Variants in SAP30BP observed in about 807,000 individuals in gnomAD.
SAP30BP encodes the protein SAP30-binding protein.
SAP30BP carries 31 observed loss-of-function variants against 46.3 expected under a neutral mutation model. That is an observed-to-expected ratio of 0.67 (90% CI 0.50 to 0.90). SAP30BP has a LOEUF of 0.90. Among genes scored for constraint, SAP30BP ranks in the 40% least tolerant of loss-of-function variants. The pLI, the probability that SAP30BP is intolerant of heterozygous loss-of-function variation, is 0.00. For missense variants in SAP30BP, 312 were observed against 391.0 expected, an observed-to-expected ratio of 0.80 and a Z score of 1.70; for synonymous variants, 169 against 144.2, an observed-to-expected ratio of 1.17 and a Z score of -1.23.
chr17:75,703,891 G>A, intron 8 of SAP30BP, 32 bp downstream of exon 8: 1 of 1,505,780 alleles, frequency 6.6e-7, no homozygotes, highest in Non-Finnish European at 9.2e-7. Flanking sequence ...CATATACCTT[G>A]TCCGCCCACC....
Position 75,706,831 on chromosome 17 carries a change from C to T in SAP30BP, c.*310C>T. On this transcript the variant is annotated 3_prime_UTR_variant, in exon 11 of 11. Coordinates refer to ENST00000584667, the MANE Select transcript of SAP30BP (RefSeq NM_013260.8). This position sits in a 1 kb window ranked among gnomAD's most constrained non-coding sequence, Gnocchi z 4.6. ...GCAAATGCTTCAGCTCACATGTCCC[C>T]CAAGACTCAATAGTCTTGGTTGGGA... 1 of 400,162 alleles carries T rather than the reference C, an allele frequency of 2.5e-6. No homozygotes were observed. The highest frequency in any genetic ancestry group is 3.1e-5 in the South Asian group (1 of 31,984). The allele number at this position is 400,162 out of a possible 1,614,324, so 24.8% of individuals were successfully genotyped here. A position where few individuals can be genotyped will look rare whatever the true frequency, so the allele number is the denominator to read the frequency against.
intron 3 of SAP30BP, 153 bp from the exon 4 acceptor site, chr17:75,693,287 T>G (rs930323029): frequency 2.8e-5 from 17 of 604,136 alleles, no homozygotes; most frequent in South Asian, 2.2e-5. Context: ...GGCTCGGGGG[T>G]GCCAGAGGCC....
At chr17:75,686,180 A>G (rs758459560) in intron 3 of SAP30BP, among the ~76,000 whole-genome samples, 1 of 152,216 alleles carries the variant, frequency 6.6e-6, no homozygotes, top group Non-Finnish European at 1.5e-5. Flanking sequence ...AGCCGGCTTA[A>G]TAAGTCTTGG....
Position 75,696,863 on chromosome 17 carries a change from C to T in SAP30BP, c.308-2920C>T, listed in dbSNP as rs965240182. ...TGCAATCTCGGCTCACTGTAAGCTC[C>T]GCCTCCTGGGTTCACACCATTCTCC... On this transcript the variant is annotated intron_variant, in intron 4 of 10. Transcript: ENST00000584667. Among the ~76,000 whole-genome samples, 4 of 150,720 alleles carry T rather than the reference C, an allele frequency of 2.7e-5. No homozygotes were observed. The East Asian group carries it at 5.9e-4, about 22-fold the overall frequency.
chr17:75,682,696 G>T (rs569080788), intron 3 of SAP30BP, among the ~76,000 whole-genome samples: 1 of 152,038 alleles, frequency 6.6e-6, no homozygotes, highest in Non-Finnish European at 1.5e-5. Flanking sequence ...GGGCGCAGTG[G>T]CTCATGCCTG....
intron 3 of SAP30BP, 154 bp from the exon 4 acceptor site, chr17:75,693,286 G>A: frequency 1.6e-6 from 1 of 613,582 alleles, no homozygotes; most frequent in Non-Finnish European, 2.9e-6. Context: ...AGGCTCGGGG[G>A]TGCCAGAGGC....
At chr17:75,681,344 C>T (rs964986661) in intron 3 of SAP30BP, among the ~76,000 whole-genome samples, 15 of 152,158 alleles carry the variant, frequency 9.9e-5, no homozygotes, top group Admixed American at 4.6e-4. Flanking sequence ...GAGGCCCAGC[C>T]GGGTGAGTGG....
intron 3 of SAP30BP, chr17:75,691,823 G>T: frequency 3.9e-6 from 1 of 258,378 alleles, no homozygotes; most frequent in South Asian, 4.3e-5. Flanking sequence ...AAAATGTGAG[G>T]GCATTTTACA....
intron 3 of SAP30BP, chr17:75,691,612 C>T (rs2060243354): frequency 2.5e-6 from 1 of 398,258 alleles, no homozygotes; most frequent in Non-Finnish European, 5.0e-6. Flanking sequence ...TGGTAGACTC[C>T]TTGTGTGGGG....
chr17:75,668,639 C>G lies in SAP30BP; in HGVS notation c.216+14C>G, dbSNP rs1247330583. 6.7e-7 allele frequency: 1 copy of G among 1,502,234 alleles called. No homozygotes were observed. Among genetic ancestry groups the G allele is most frequent in the Admixed American group, 1.8e-5 (1 of 55,556 alleles). 93.1% of individuals were successfully genotyped at this position (1,502,234 alleles called of 1,614,324 possible). A position where few individuals can be genotyped will look rare whatever the true frequency, so the allele number is the denominator to read the frequency against. ...AGTAGACAGTCGGTAGGTAAATCTC[C>G]CAGATCCAGAGCTACTGAAAGCACA... On this transcript the variant is annotated intron_variant, in intron 2 of 10. Transcript: ENST00000584667.
At position 75,671,808 on chromosome 17, in the gene SAP30BP, T is replaced by C; in HGVS notation, c.217-8T>C. 1 of 1,611,510 alleles carries C rather than the reference T, an allele frequency of 6.2e-7. No individual in the cohort carries two copies. On this transcript the variant is annotated splice_polypyrimidine_tract_variant and splice_region_variant and intron_variant, in intron 2 of 10. Transcript: ENST00000584667. ...TAAGCTTAATCCTCTAAATTCTTTGTCTTGTAGGAAGATGACGATTCAGAG... is the reference window on the plus strand; with the variant it reads ...TAAGCTTAATCCTCTAAATTCTTTGCCTTGTAGGAAGATGACGATTCAGAG...
chr17:75,700,088 G>A, intron 5 of SAP30BP: 1 of 378,462 alleles, frequency 2.6e-6, no homozygotes, highest in Non-Finnish European at 4.9e-6. Context: ...CCGTGGTGCT[G>A]CTCCAGCAGG....
chr17:75,682,678 A>G (rs1253558653), intron 3 of SAP30BP, among the ~76,000 whole-genome samples: 3 of 152,054 alleles, frequency 2.0e-5, no homozygotes, highest in Non-Finnish European at 2.9e-5. Flanking sequence ...TGTATGGCAT[A>G]TGAGGCTGGG....
intron 2 of SAP30BP, among the ~76,000 whole-genome samples, chr17:75,669,306 C>T (rs762133439): frequency 2.0e-5 from 3 of 151,984 alleles, no homozygotes; most frequent in African/African-American, 4.8e-5. Context: ...TGCAGTGGTG[C>T]GATCTCTGCT....
At chr17:75,699,525 G>C (rs2148415365) in intron 4 of SAP30BP, among the ~76,000 whole-genome samples, 1 of 151,178 alleles carries the variant, frequency 6.6e-6, no homozygotes, top group African/African-American at 2.4e-5. Flanking sequence ...AAAAAAAACG[G>C]AAAAGTTAAC....
At chr17:75,682,426 A>C (rs1012084190) in intron 3 of SAP30BP, among the ~76,000 whole-genome samples, 1 of 151,928 alleles carries the variant, frequency 6.6e-6, no homozygotes, top group African/African-American at 2.4e-5. Context: ...CTCAGGTGAT[A>C]CACCTGCCTC....
Position 75,667,380 on chromosome 17 carries a change from G to C in SAP30BP, c.8G>C (p.Gly3Ala), listed in dbSNP as rs1555715580. The change falls in exon 1 of 11, where the codon GGG becomes GCG. Residue 3 changes from glycine to alanine, a missense_variant. Gly to Ala is a moderately conservative substitution (Grantham distance 60). Transcript: ENST00000584667. ...CCGGGCTGTGGGAATAAGATGGCGGGGAAGAAGAATGTTCTGTCGTCTCTC... is the reference window on the plus strand; with the variant it reads ...CCGGGCTGTGGGAATAAGATGGCGGCGAAGAAGAATGTTCTGTCGTCTCTC... Reference protein sequence around the residue: MAGKKNVLSSLAV... With the variant: MAAKKNVLSSLAV... The C allele has an allele frequency of 6.2e-7, 1 of 1,614,200 alleles. No homozygotes were observed. The highest frequency in any genetic ancestry group is 1.1e-5 in the South Asian group (1 of 91,086).
At chr17:75,680,240 CG>C (rs2060056153) in intron 3 of SAP30BP, among the ~76,000 whole-genome samples, 1 of 152,074 alleles carries the variant, frequency 6.6e-6, no homozygotes, top group Non-Finnish European at 1.5e-5. Flanking sequence ...AACAAAATTC[CG>C]TCTTCTGGGT....
chr17:75,700,073 AT>A (rs961807515), intron 5 of SAP30BP: 4 of 424,512 alleles, frequency 9.4e-6, no homozygotes, highest in Non-Finnish European at 1.7e-5. Context: ...ACCCACCGCC[AT>A]GTCCCGTGGT....
Sources: allele counts gnomAD v4.1 joint callset (sites outside exome capture counted in the v4.1 genomes callset), GRCh38; gene constraint gnomAD v4.1.1; non-coding constraint Gnocchi (gnomAD v3.1); transcripts MANE v1.5; gene names NCBI Gene and HGNC (gene_info 2026-07-23, HGNC 2026-07-21).